Variants in FAM178B observed in about 807,000 individuals in gnomAD.
The protein encoded by FAM178B is protein FAM178B.
FAM178B carries 82 observed loss-of-function variants against 91.7 expected under a neutral mutation model. The observed-to-expected ratio is 0.89, with a 90% CI of 0.75 to 1.07. FAM178B has a LOEUF of 1.07. Among genes scored for constraint, FAM178B ranks in the 50% least tolerant of loss-of-function variants. The pLI is 0.00. For synonymous variants in FAM178B, 368 were observed against 359.4 expected (o/e 1.02, Z -0.27); for missense variants, 769 against 846.7 (o/e 0.91, Z 1.14).
chr2:96,981,740 C>CAAA (rs377081384), intron 1 of FAM178B, among the ~76,000 whole-genome samples: 3 of 18,664 alleles, frequency 1.6e-4, no homozygotes, highest in African/African-American at 4.4e-4. Flanking sequence ...GACTCCGTCT[C>CAAA]AAAAAAAAAA....
intron 7 of FAM178B, among the ~76,000 whole-genome samples, chr2:96,950,663 G>A (rs150536178): frequency 2.6e-5 from 4 of 152,148 alleles, no homozygotes; most frequent in African/African-American, 7.2e-5. Context: ...AGATCACAGC[G>A]GTTGGCTCCT....
At chr2:96,912,457 G>A (rs998120604) in intron 12 of FAM178B, among the ~76,000 whole-genome samples, 3 of 152,008 alleles carry the variant, frequency 2.0e-5, no homozygotes, top group Non-Finnish European at 4.4e-5. Context: ...GCTGGTGGGG[G>A]AGGGGTATCC....
At chr2:96,977,288 G>A (rs1377810699) in intron 1 of FAM178B, among the ~76,000 whole-genome samples, 5 of 144,618 alleles carry the variant, frequency 3.5e-5, no homozygotes, top group Admixed American at 2.1e-4. Flanking sequence ...AGCAGGCCGA[G>A]GTAGGATAAT....
rs151062744 is a variant in FAM178B at position 96,877,854 on chromosome 2, G to A, written c.2007+36C>T. The A allele has an allele frequency of 1.6e-4, 252 of 1,600,788 alleles. No individual in the cohort carries two copies. The highest frequency in any genetic ancestry group is 1.3e-3 in the Admixed American group (76 of 59,272). On this transcript the variant is annotated intron_variant, in intron 16 of 16. Coordinates refer to ENST00000490605, the MANE Select transcript of FAM178B (RefSeq NM_001122646.3). ...GGCCAGCCCTGCCTGACCACTTCCC[G>A]CCCCTCCCAGGTCTGGGGGCTAGAG...
chr2:96,906,608 C>G (rs1386146282), intron 12 of FAM178B, among the ~76,000 whole-genome samples: 2 of 152,168 alleles, frequency 1.3e-5, no homozygotes, highest in Non-Finnish European at 2.9e-5. Flanking sequence ...AGCGCCCACC[C>G]GGACTGAACC....
intron 10 of FAM178B, among the ~76,000 whole-genome samples, chr2:96,922,301 T>C (rs2081355063): frequency 6.6e-6 from 1 of 152,190 alleles, no homozygotes; most frequent in Non-Finnish European, 1.5e-5. Context: ...ATAAAAATAC[T>C]ACACCAGCAG....
intron 12 of FAM178B, among the ~76,000 whole-genome samples, chr2:96,911,226 G>A (rs528815969): frequency 6.6e-5 from 10 of 152,264 alleles, no homozygotes; most frequent in Non-Finnish European, 1.0e-4. Flanking sequence ...TGATGCTCAC[G>A]GCCCGCGTCA....
intron 14 of FAM178B, among the ~76,000 whole-genome samples, chr2:96,892,073 G>A (rs577002095): frequency 6.6e-6 from 1 of 152,316 alleles, no homozygotes; most frequent in South Asian, 2.1e-4. Context: ...GTTTTTGGCT[G>A]GTGAGTGGCC....
At chr2:96,950,737 G>A (rs1488970999) in intron 7 of FAM178B, among the ~76,000 whole-genome samples, 2 of 152,202 alleles carry the variant, frequency 1.3e-5, no homozygotes, top group Non-Finnish European at 2.9e-5. Flanking sequence ...CAAAATGTAT[G>A]TTCCCCTATG....
chr2:96,942,322 C>T (rs536706566), intron 8 of FAM178B, among the ~76,000 whole-genome samples: 2 of 152,310 alleles, frequency 1.3e-5, no homozygotes, highest in African/African-American at 4.8e-5. Context: ...ATTAAAATCC[C>T]AGCTTTCAAT....
chr2:96,963,149 T>C (rs1475721313), intron 5 of FAM178B, among the ~76,000 whole-genome samples: 3 of 152,168 alleles, frequency 2.0e-5, no homozygotes, highest in African/African-American at 7.2e-5. Context: ...TTCCTTTCTG[T>C]GAGGAGTTTC....
intron 8 of FAM178B, among the ~76,000 whole-genome samples, chr2:96,929,993 T>C (rs2081512078): frequency 6.6e-6 from 1 of 152,070 alleles, no homozygotes. Context: ...GGCAGGCAGA[T>C]TGCCTGAGCT....
chr2:96,942,507 C>T (rs2081750907), intron 8 of FAM178B, among the ~76,000 whole-genome samples: 1 of 152,200 alleles, frequency 6.6e-6, no homozygotes, highest in African/African-American at 2.4e-5. Flanking sequence ...ATTCTCCTGC[C>T]TCAGCCTCCG....
intron 12 of FAM178B, among the ~76,000 whole-genome samples, chr2:96,906,678 TG>T (rs1399147807): frequency 6.6e-6 from 1 of 152,076 alleles, no homozygotes; most frequent in Non-Finnish European, 1.5e-5. Context: ...CAGACCCCCG[TG>T]GGTGCAGGCC....
chr2:96,896,007 T>A (rs1172476908), intron 13 of FAM178B, among the ~76,000 whole-genome samples: 1 of 152,204 alleles, frequency 6.6e-6, no homozygotes, highest in Non-Finnish European at 1.5e-5. Context: ...GGAGGCACCA[T>A]CTGGGGCTTC....
intron 12 of FAM178B, among the ~76,000 whole-genome samples, chr2:96,907,164 G>T (rs901401114): frequency 1.3e-5 from 2 of 152,140 alleles, no homozygotes; most frequent in African/African-American, 4.8e-5. Context: ...GTCCCCGCCT[G>T]CCCACTGCCT....
chr2:96,946,383 T>C (rs1190340333), intron 8 of FAM178B, among the ~76,000 whole-genome samples: 1 of 152,204 alleles, frequency 6.6e-6, no homozygotes, highest in Non-Finnish European at 1.5e-5. Context: ...GGTACGCAAC[T>C]ATCTGCTCAA....
rs145154652 is a variant in FAM178B at position 96,922,143 on chromosome 2, A to G, written c.1288-489T>C. On this transcript the variant is annotated intron_variant, in intron 10 of 16. Coordinates refer to ENST00000490605, the MANE Select transcript of FAM178B (RefSeq NM_001122646.3). ...GCTAAAAGACACTCCCACCAGTACC[A>G]TAACAGTTTACACATGCCGTGGCAA... 2.2e-3 allele frequency among the ~76,000 whole-genome samples: 331 copies of G among 152,294 alleles called. 15 individuals carry two copies. In the East Asian group the frequency reaches 0.041, roughly 19 times the overall value.
At chr2:96,898,984 G>A (rs936407785) in intron 13 of FAM178B, among the ~76,000 whole-genome samples, 1 of 152,232 alleles carries the variant, frequency 6.6e-6, no homozygotes. Flanking sequence ...TGGGCTGAGT[G>A]GGTGGCTGTG....
Sources: gnomAD v4.1 joint callset for allele counts (sites outside exome capture counted in the v4.1 genomes callset) on GRCh38, gnomAD v4.1.1 for gene constraint, MANE v1.5 for transcripts, NCBI Gene and HGNC (gene_info 2026-07-23, HGNC 2026-07-21) for gene names.